The following IL6R variants were observed in gnomAD, a reference collection of about 807,000 sequenced individuals.
The protein encoded by IL6R is interleukin-6 receptor subunit alpha.
A neutral mutation model predicts 48.3 loss-of-function variants in IL6R; 38 were observed. The observed-to-expected ratio is 0.79, with a 90% CI of 0.61 to 1.03. The LOEUF (loss-of-function observed/expected upper bound fraction) is 1.03, where lower values mean the gene tolerates loss of function less well. Ranked by LOEUF, IL6R falls within the 50% of genes least tolerant of loss-of-function variation. The probability of loss-of-function intolerance (pLI) is 0.00; values close to 1 mark genes in which losing one functional copy is unlikely to be tolerated. For synonymous variants in IL6R, 264 were observed against 256.2 expected, an observed-to-expected ratio of 1.03 and a Z score of -0.29; for missense variants, 534 against 618.3, an observed-to-expected ratio of 0.86 and a Z score of 1.45.
chr1:154,425,130 G>A (rs1688891546), intron 1 of IL6R, among the ~76,000 whole-genome samples: 1 of 152,246 alleles, frequency 6.6e-6, no homozygotes, highest in East Asian at 1.9e-4. Context: ...TAACTATCAG[G>A]CCCAGGGTGT....
chr1:154,444,737 A>C (rs1234907109), intron 6 of IL6R, among the ~76,000 whole-genome samples: 2 of 152,020 alleles, frequency 1.3e-5, no homozygotes. Flanking sequence ...TCTTTACAAA[A>C]AAAAGTTAAA....
intron 7 of IL6R, 95 bp from the exon 8 acceptor site, chr1:154,449,816 A>G (rs534408260): frequency 2.5e-6 from 2 of 791,924 alleles, no homozygotes; most frequent in African/African-American, 3.4e-5. Flanking sequence ...TGGGTGGATC[A>G]GGGAGGGCTC....
chr1:154,421,313 A>G (rs1356863719), intron 1 of IL6R, among the ~76,000 whole-genome samples: 8 of 152,106 alleles, frequency 5.3e-5, no homozygotes, highest in Admixed American at 4.6e-4. Context: ...GCCTGCACAT[A>G]CTTTTGACAG....
chr1:154,411,591 C>A (rs999936565), intron 1 of IL6R, among the ~76,000 whole-genome samples: 2 of 152,154 alleles, frequency 1.3e-5, no homozygotes, highest in African/African-American at 4.8e-5. Context: ...TGAGAGAGGC[C>A]GCTGAGGTAG....
chr1:154,456,771 C>G (rs1182787483), intron 9 of IL6R, among the ~76,000 whole-genome samples: 1 of 152,040 alleles, frequency 6.6e-6, no homozygotes, highest in Admixed American at 6.5e-5. Context: ...CAGATCGTCA[C>G]CAGCAAGTAG....
intron 7 of IL6R, among the ~76,000 whole-genome samples, chr1:154,448,534 C>G (rs895332156): frequency 1.3e-5 from 2 of 152,318 alleles, no homozygotes; most frequent in Middle Eastern, 3.4e-3. Context: ...AGAGGATTAC[C>G]TCTGAAGCTG....
chr1:154,437,632 G>A, intron 6 of IL6R: 6 of 249,356 alleles, frequency 2.4e-5, no homozygotes, highest in South Asian at 2.1e-4. Context: ...GGCTGGTCTC[G>A]AACTCCTGGC....
chr1:154,443,212 T>C (rs1690033565), intron 6 of IL6R, among the ~76,000 whole-genome samples: 1 of 152,166 alleles, frequency 6.6e-6, no homozygotes, highest in Admixed American at 6.5e-5. Context: ...ATACCAAAGG[T>C]TTGCATTTGC....
At chr1:154,441,271 T>C (rs985260790) in intron 6 of IL6R, among the ~76,000 whole-genome samples, 1 of 152,140 alleles carries the variant, frequency 6.6e-6, no homozygotes, top group Admixed American at 6.6e-5. Flanking sequence ...TCTCCTTCTA[T>C]TGGAAGATGG....
chr1:154,449,427 C>A (rs1006385087), intron 7 of IL6R, among the ~76,000 whole-genome samples: 1 of 152,080 alleles, frequency 6.6e-6, no homozygotes, highest in African/African-American at 2.4e-5. Flanking sequence ...GCAGGAGAAT[C>A]GCTTGAACCT....
At chr1:154,422,519 A>C (rs1476906538) in intron 1 of IL6R, among the ~76,000 whole-genome samples, 2 of 152,204 alleles carry the variant, frequency 1.3e-5, no homozygotes, top group East Asian at 3.9e-4. Context: ...TGCATTGTAG[A>C]TGCTCAGTAG....
intron 8 of IL6R, among the ~76,000 whole-genome samples, chr1:154,451,295 A>C (rs1690566188): frequency 6.6e-6 from 1 of 152,126 alleles, no homozygotes; most frequent in African/African-American, 2.4e-5. Flanking sequence ...AGGTAGGAGA[A>C]TCACCTGAGG....
Position 154,435,007 on chromosome 1 carries a change from G to GC in IL6R, c.660dup (p.Asn221GlnfsTer34). The GC allele has an allele frequency of 2.5e-6, 4 of 1,614,124 alleles. No individual in the cohort carries two copies. The East Asian group carries it at 8.9e-5, about 36-fold the overall frequency. ...TCCCACAGTGCAGCCTGATCCGCCT[G>GC]CCAACATCACAGTCACTGCCGTGGC... On this transcript the variant is annotated frameshift_variant, in exon 5 of 10. Coordinates refer to ENST00000368485, the MANE Select transcript of IL6R (RefSeq NM_000565.4). LOFTEE classifies it high-confidence loss of function.
intron 1 of IL6R, among the ~76,000 whole-genome samples, chr1:154,428,708 A>G (rs1320242524): frequency 6.6e-6 from 1 of 152,096 alleles, no homozygotes; most frequent in Non-Finnish European, 1.5e-5. Flanking sequence ...CGTATTGCAG[A>G]ATGAGGGCCT....
intron 1 of IL6R, among the ~76,000 whole-genome samples, chr1:154,422,587 G>A (rs572594807): frequency 6.6e-6 from 1 of 152,224 alleles, no homozygotes; most frequent in Non-Finnish European, 1.5e-5. Context: ...GCACATCATG[G>A]GTGCACAAAA....
At chr1:154,462,835 C>A (rs1471922428) in intron 9 of IL6R, among the ~76,000 whole-genome samples, 1 of 151,950 alleles carries the variant, frequency 6.6e-6, no homozygotes, top group African/African-American at 2.4e-5. Context: ...TATTGAGACA[C>A]ATCACTCTGT....
intron 9 of IL6R, among the ~76,000 whole-genome samples, chr1:154,455,113 G>A (rs1203669799): frequency 6.6e-6 from 1 of 152,164 alleles, no homozygotes; most frequent in Non-Finnish European, 1.5e-5. Flanking sequence ...GAGGTTTCAT[G>A]TTGCCCAGGC....
chr1:154,431,371 T>C lies in IL6R; in HGVS notation c.458+765T>C, dbSNP rs564524933. Among the ~76,000 whole-genome samples, 13 of 152,258 alleles carry C rather than the reference T, an allele frequency of 8.5e-5. No homozygotes were observed. The East Asian group carries it at 2.1e-3, about 25-fold the overall frequency. On this transcript the variant is annotated intron_variant, in intron 3 of 9. Coordinates refer to ENST00000368485, the MANE Select transcript of IL6R (RefSeq NM_000565.4). ...GTTTGAGCTGTCAGTCATCAGAATA[T>C]AGGGCAAGGAGGTCGCATTCCAAGA...
At chr1:154,433,106 T>C (rs1322463943) in intron 3 of IL6R, among the ~76,000 whole-genome samples, 1 of 152,120 alleles carries the variant, frequency 6.6e-6, no homozygotes, top group Admixed American at 6.5e-5. Context: ...CGTAAAGCAG[T>C]CGGTGACCCT....
Sources: gnomAD v4.1 joint callset for allele counts (sites outside exome capture counted in the v4.1 genomes callset) on GRCh38, gnomAD v4.1.1 for gene constraint, MANE v1.5 for transcripts, NCBI Gene and HGNC (gene_info 2026-07-23, HGNC 2026-07-21) for gene names.